Variants in SPAG16 observed in about 807,000 individuals in gnomAD.
SPAG16 encodes the protein sperm-associated antigen 16 protein.
In SPAG16, 86 loss-of-function variants were observed where a neutral mutation model predicts 80.4. The observed-to-expected ratio is 1.07, with a 90% CI of 0.90 to 1.28. The LOEUF (loss-of-function observed/expected upper bound fraction) is 1.28. SPAG16 is among the 50% of genes most tolerant of loss of function. The pLI is 0.00. For synonymous variants in SPAG16, 294 were observed against 265.9 expected, an observed-to-expected ratio of 1.11 and a Z score of -1.03; for missense variants, 870 against 765.3, an observed-to-expected ratio of 1.14 and a Z score of -1.61.
intron 15 of SPAG16, among the ~76,000 whole-genome samples, chr2:214,405,888 T>C (rs968523451): frequency 6.6e-6 from 1 of 152,182 alleles, no homozygotes; most frequent in African/African-American, 2.4e-5. Context: ...CATCACAGTG[T>C]TGAGTGAAAA....
chr2:213,889,882 GC>G, intron 11 of SPAG16, among the ~76,000 whole-genome samples: 1 of 151,782 alleles, frequency 6.6e-6, no homozygotes, highest in African/African-American at 2.4e-5. Flanking sequence ...TACTGCTACA[GC>G]ATTGTAAAGT....
intron 10 of SPAG16, among the ~76,000 whole-genome samples, chr2:213,620,960 T>C (rs1251596359): frequency 1.3e-5 from 2 of 152,236 alleles, no homozygotes; most frequent in East Asian, 1.9e-4. Flanking sequence ...AACTGGACAA[T>C]TGAAAAATAT....
intron 10 of SPAG16, among the ~76,000 whole-genome samples, chr2:213,492,982 T>C (rs1008386013): frequency 6.6e-6 from 1 of 152,198 alleles, no homozygotes; most frequent in African/African-American, 2.4e-5. Flanking sequence ...CTCTGTCACA[T>C]ACATATACGA....
intron 12 of SPAG16, among the ~76,000 whole-genome samples, chr2:214,006,790 C>G (rs754194388): frequency 2.4e-4 from 36 of 152,318 alleles, no homozygotes; most frequent in Non-Finnish European, 4.3e-4. Context: ...GCCTGTCTGC[C>G]AGGGATGCCC....
intron 9 of SPAG16, among the ~76,000 whole-genome samples, chr2:213,432,430 TAAA>T (rs2070363260): frequency 6.6e-6 from 1 of 151,756 alleles, no homozygotes; most frequent in South Asian, 2.1e-4. Flanking sequence ...ACCACAGAAA[TAAA>T]AAAGATCACC....
chr2:213,504,973 A>G (rs1323757733), intron 10 of SPAG16, among the ~76,000 whole-genome samples: 1 of 152,250 alleles, frequency 6.6e-6, no homozygotes, highest in Non-Finnish European at 1.5e-5. Flanking sequence ...TGTGTCTCAC[A>G]GTCTTTCCCC....
intron 10 of SPAG16, among the ~76,000 whole-genome samples, chr2:213,812,508 A>G (rs1364280792): frequency 6.6e-6 from 1 of 152,232 alleles, no homozygotes; most frequent in Non-Finnish European, 1.5e-5. Flanking sequence ...TGAGTTTGAA[A>G]TAAAGGTGAT....
At chr2:213,410,774 C>T (rs2068923261) in intron 9 of SPAG16, among the ~76,000 whole-genome samples, 1 of 152,192 alleles carries the variant, frequency 6.6e-6, no homozygotes, top group Admixed American at 6.5e-5. Flanking sequence ...GTCCCCTTTC[C>T]ACTAAGGTGG....
At chr2:213,513,280 G>C (rs140969358) in intron 10 of SPAG16, among the ~76,000 whole-genome samples, 1,650 of 152,242 alleles carry the variant, frequency 0.011, 18 homozygotes, top group Admixed American at 0.015. Context: ...CATACACTGT[G>C]GCTGAACCAT....
chr2:213,316,428 T>A (rs970708768), intron 4 of SPAG16, among the ~76,000 whole-genome samples: 1 of 152,120 alleles, frequency 6.6e-6, no homozygotes, highest in African/African-American at 2.4e-5. Context: ...AACTGGTCTC[T>A]CTGATTCTAT....
At position 213,838,493 on chromosome 2, in the gene SPAG16, G is replaced by C. The variant is rs908528176; in HGVS notation, c.1071-23992G>C. On this transcript the variant is annotated intron_variant, in intron 10 of 15. Coordinates refer to ENST00000331683, the MANE Select transcript of SPAG16 (RefSeq NM_024532.5). ...GGGCCATCTCTGACTTTATATGCAG[G>C]AAAGAATGTACTTCCCCAAAATTGT... Among the ~76,000 whole-genome samples, 9 of 152,246 alleles carry C rather than the reference G, an allele frequency of 5.9e-5. No individual in the cohort carries two copies. In the South Asian group the frequency reaches 1.7e-3, roughly 28 times the overall value.
At chr2:213,455,729 T>G (rs988363771) in intron 9 of SPAG16, among the ~76,000 whole-genome samples, 1 of 152,220 alleles carries the variant, frequency 6.6e-6, no homozygotes, top group African/African-American at 2.4e-5. Context: ...GATAATATAA[T>G]GCCCCTGCTA....
At chr2:213,318,636 A>C (rs2063498736) in intron 5 of SPAG16, among the ~76,000 whole-genome samples, 2 of 151,892 alleles carry the variant, frequency 1.3e-5, no homozygotes, top group Admixed American at 1.3e-4. Context: ...TTAATCTATA[A>C]AAATAAAAAA....
intron 9 of SPAG16, among the ~76,000 whole-genome samples, chr2:213,475,001 A>G (rs548071357): frequency 2.6e-5 from 4 of 152,296 alleles, no homozygotes; most frequent in East Asian, 3.9e-4. Context: ...GGGTCCTCCA[A>G]TGGTACTGCT....
chr2:213,842,379 T>C (rs2074404011), intron 10 of SPAG16, among the ~76,000 whole-genome samples: 1 of 152,150 alleles, frequency 6.6e-6, no homozygotes, highest in Non-Finnish European at 1.5e-5. Context: ...GTTTTAACAG[T>C]AAGAACCAGG....
At chr2:213,486,965 T>C (rs575779598) in intron 9 of SPAG16, among the ~76,000 whole-genome samples, 89 of 152,170 alleles carry the variant, frequency 5.8e-4, no homozygotes, top group African/African-American at 2.0e-3. Flanking sequence ...TTGCAGAGAT[T>C]ATCTCATCTT....
At chr2:214,229,389 T>C (rs1688531316) in intron 15 of SPAG16, among the ~76,000 whole-genome samples, 1 of 151,814 alleles carries the variant, frequency 6.6e-6, no homozygotes, top group Admixed American at 6.6e-5. Context: ...GCATCTTTAT[T>C]ATCCTGCCAT....
intron 9 of SPAG16, among the ~76,000 whole-genome samples, chr2:213,435,361 A>G (rs2070560312): frequency 6.6e-6 from 1 of 152,214 alleles, no homozygotes; most frequent in Non-Finnish European, 1.5e-5. Flanking sequence ...GTGTGGAATA[A>G]TAGACATTGG....
At chr2:213,720,808 C>A (rs1368390225) in intron 10 of SPAG16, among the ~76,000 whole-genome samples, 1 of 131,948 alleles carries the variant, frequency 7.6e-6, no homozygotes, top group Non-Finnish European at 1.6e-5. Flanking sequence ...TGCAATGGCA[C>A]GATCTCGGCT....
Sources: allele counts gnomAD v4.1 joint callset (sites outside exome capture counted in the v4.1 genomes callset), GRCh38; gene constraint gnomAD v4.1.1; transcripts MANE v1.5; gene names NCBI Gene and HGNC (gene_info 2026-07-23, HGNC 2026-07-21).